Variants in RAD51B observed in about 807,000 individuals in gnomAD.
RAD51B encodes DNA repair protein RAD51 homolog 2.
RAD51B carries 38 observed loss-of-function variants against 42.2 expected under a neutral mutation model. The observed-to-expected ratio is 0.90, with a 90% confidence interval of 0.70 to 1.18. The LOEUF is 1.18. Among genes scored for constraint, RAD51B ranks in the 50% most tolerant of loss-of-function variants. The pLI, the probability that RAD51B is intolerant of heterozygous loss-of-function variation, is 0.00. For synonymous variants in RAD51B, 154 were observed against 145.2 expected (o/e 1.06, Z -0.43); for missense variants, 373 against 400.7 (o/e 0.93, Z 0.59).
intron 7 of RAD51B, among the ~76,000 whole-genome samples, chr14:68,284,364 T>C (rs1187498463): frequency 6.6e-6 from 1 of 152,236 alleles, no homozygotes; most frequent in Non-Finnish European, 1.5e-5. Flanking sequence ...GGGTGAAATA[T>C]ATGAAACATT....
At chr14:68,331,895 G>T (rs2082359004) in intron 8 of RAD51B, among the ~76,000 whole-genome samples, 1 of 151,960 alleles carries the variant, frequency 6.6e-6, no homozygotes, top group South Asian at 2.1e-4. Context: ...AAGTATTGGG[G>T]GGGTTTGCTG....
At chr14:68,240,329 G>A (rs1443839408) in intron 7 of RAD51B, among the ~76,000 whole-genome samples, 1 of 152,178 alleles carries the variant, frequency 6.6e-6, no homozygotes, top group Non-Finnish European at 1.5e-5. Flanking sequence ...GCCACTTAGG[G>A]AAGGACAGAC....
At chr14:68,404,093 A>G (rs1003381821) in intron 8 of RAD51B, among the ~76,000 whole-genome samples, 2 of 152,240 alleles carry the variant, frequency 1.3e-5, no homozygotes, top group African/African-American at 4.8e-5. Context: ...GATTTGCTCT[A>G]TGTAGCTTAC....
In RAD51B at chr14:68,227,589, C is replaced by T. The variant is rs754358667; in HGVS notation, c.757-64295C>T. Among the ~76,000 whole-genome samples, 65 of 152,246 alleles carry T rather than the reference C, an allele frequency of 4.3e-4. 1 individual carries two copies. The highest frequency in any genetic ancestry group is 6.8e-3 in the Middle Eastern group (2 of 294). On this transcript the variant is annotated intron_variant, in intron 7 of 10. Coordinates refer to ENST00000471583, the MANE Select transcript of RAD51B (RefSeq NM_133510.4). ...ATTTATATTAATATTTCCAATGTAG[C>T]GATAATACTGTCCTCCTCAGCAATG...
At chr14:67,979,261 T>C (rs1189155974) in intron 7 of RAD51B, among the ~76,000 whole-genome samples, 1 of 152,240 alleles carries the variant, frequency 6.6e-6, no homozygotes, top group Non-Finnish European at 1.5e-5. Context: ...TTTTAAAATA[T>C]CTAAATGCAG....
rs191825751 is a variant in RAD51B, at chr14:67,892,072, T to C, written c.756+4868T>C. ...TAGAAATGTAATTTTTGGTTTACTCTTATTACTTTCATATTTTTACTGAAA... is the reference window on the plus strand; with the variant it reads ...TAGAAATGTAATTTTTGGTTTACTCCTATTACTTTCATATTTTTACTGAAA... On this transcript the variant is annotated intron_variant, in intron 7 of 10. Transcript: ENST00000471583. 5.1e-3 allele frequency among the ~76,000 whole-genome samples: 771 copies of C among 152,306 alleles called. 4 individuals carry two copies. The highest frequency in any genetic ancestry group is 0.037 in the Middle Eastern group (11 of 294).
At chr14:67,949,170 A>G (rs1270040947) in intron 7 of RAD51B, among the ~76,000 whole-genome samples, 4 of 152,052 alleles carry the variant, frequency 2.6e-5, no homozygotes, top group African/African-American at 9.7e-5. Context: ...ATGATGCTTG[A>G]ATCAATTGAC....
At chr14:68,424,143 A>T (rs996340090) in intron 9 of RAD51B, among the ~76,000 whole-genome samples, 4 of 152,222 alleles carry the variant, frequency 2.6e-5, no homozygotes, top group African/African-American at 9.6e-5. Flanking sequence ...GGTGCCTCCC[A>T]TAGATACTTC....
intron 9 of RAD51B, among the ~76,000 whole-genome samples, chr14:68,415,248 A>G (rs2084527603): frequency 6.6e-6 from 1 of 152,076 alleles, no homozygotes; most frequent in Non-Finnish European, 1.5e-5. Flanking sequence ...TCTGCCTTAA[A>G]TAATAGATAA....
At chr14:68,636,265 A>G (rs564244019) in intron 10 of RAD51B, among the ~76,000 whole-genome samples, 1 of 152,262 alleles carries the variant, frequency 6.6e-6, no homozygotes, top group African/African-American at 2.4e-5. Context: ...GGACATTCAG[A>G]TAAGTGTTCA....
chr14:68,150,422 A>G (rs1291873218), intron 7 of RAD51B, among the ~76,000 whole-genome samples: 1 of 152,198 alleles, frequency 6.6e-6, no homozygotes, highest in African/African-American at 2.4e-5. Flanking sequence ...CTTCTTAACA[A>G]TATTGAGTCT....
At chr14:68,469,593 C>T (rs903539539) in intron 10 of RAD51B, among the ~76,000 whole-genome samples, 1 of 152,162 alleles carries the variant, frequency 6.6e-6, no homozygotes, top group African/African-American at 2.4e-5. Flanking sequence ...TTAAGCAAAG[C>T]AAACAGCAGG....
Position 68,602,603 on chromosome 14 carries a change from G to A in RAD51B, c.1037-8403G>A, listed in dbSNP as rs549213508. On this transcript the variant is annotated intron_variant, in intron 10 of 10. Transcript: ENST00000487861. ...AAAAGCAAATAGAGTTTAAGAAATT[G>A]GTTTATGCAATTGTGGAGGCTGGCA... 1.7e-3 allele frequency among the ~76,000 whole-genome samples: 263 copies of A among 152,236 alleles called. 1 individual carries two copies. The highest frequency in any genetic ancestry group is 6.0e-3 in the African/African-American group (251 of 41,528).
intron 7 of RAD51B, among the ~76,000 whole-genome samples, chr14:67,907,592 T>C (rs950874049): frequency 6.6e-6 from 1 of 152,006 alleles, no homozygotes; most frequent in Non-Finnish European, 1.5e-5. Flanking sequence ...AGCTGGAACA[T>C]TCACATGTGG....
intron 7 of RAD51B, among the ~76,000 whole-genome samples, chr14:68,160,949 G>A (rs986048211): frequency 1.3e-5 from 2 of 152,188 alleles, no homozygotes; most frequent in Non-Finnish European, 2.9e-5. Context: ...GGAATGTCTA[G>A]CAGTTTATTG....
chr14:67,842,425 C>T (rs1431703293), intron 4 of RAD51B, among the ~76,000 whole-genome samples: 4 of 152,162 alleles, frequency 2.6e-5, no homozygotes, highest in Non-Finnish European at 5.9e-5. Flanking sequence ...GTCGCCTAGG[C>T]TGGAGTGCAG....
At chr14:68,512,997 G>A (rs752897840) in intron 10 of RAD51B, among the ~76,000 whole-genome samples, 6 of 152,140 alleles carry the variant, frequency 3.9e-5, no homozygotes, top group Non-Finnish European at 7.4e-5. Flanking sequence ...AGTGTGATGT[G>A]TTTGGGGAAC....
intron 10 of RAD51B, among the ~76,000 whole-genome samples, chr14:68,501,561 A>C (rs1884919968): frequency 6.6e-6 from 1 of 151,898 alleles, no homozygotes; most frequent in African/African-American, 2.4e-5. Context: ...TGGAAGGCCC[A>C]AGCACAGGGT....
At chr14:68,520,489 C>A (rs1443569111) in intron 10 of RAD51B, among the ~76,000 whole-genome samples, 2 of 152,220 alleles carry the variant, frequency 1.3e-5, no homozygotes, top group African/African-American at 4.8e-5. Context: ...ATCATGTGAT[C>A]ATTTCCTATA....
Sources: allele counts gnomAD v4.1 joint callset (sites outside exome capture counted in the v4.1 genomes callset), GRCh38; gene constraint gnomAD v4.1.1; transcripts MANE v1.5; gene names NCBI Gene and HGNC (gene_info 2026-07-23, HGNC 2026-07-21).